Variants in TNPO3 observed in about 807,000 individuals in gnomAD.
TNPO3 encodes transportin-3.
Under a neutral mutation model 122.8 loss-of-function variants are expected in TNPO3, and 65 were observed. The observed-to-expected ratio is 0.53, with a 90% CI of 0.43 to 0.65. The LOEUF is 0.65. TNPO3 is among the 30% of genes least tolerant of loss of function. The pLI is 0.00. For synonymous variants in TNPO3, 372 were observed against 411.2 expected (o/e 0.90, Z 1.15); for missense variants, 850 against 1,136.7 (o/e 0.75, Z 3.63).
chr7:128,978,525 C>T (rs1471584299), intron 16 of TNPO3, among the ~76,000 whole-genome samples: 1 of 152,172 alleles, frequency 6.6e-6, no homozygotes, highest in Non-Finnish European at 1.5e-5. Context: ...TATACAGAAG[C>T]GATTTTAGGC....
intron 1 of TNPO3, among the ~76,000 whole-genome samples, chr7:129,051,890 C>T (rs1003190040): frequency 1.3e-5 from 2 of 152,208 alleles, no homozygotes; most frequent in African/African-American, 2.4e-5. Context: ...GCGATCCGCC[C>T]GCCTCAGCCT....
chr7:129,028,978 T>C (rs992288062), intron 1 of TNPO3: 15 of 444,160 alleles, frequency 3.4e-5, no homozygotes, highest in Admixed American at 5.1e-5. Flanking sequence ...ACCAAAAAAT[T>C]AATGAATTTT....
chr7:129,021,510 G>GA (rs888014263), intron 1 of TNPO3, among the ~76,000 whole-genome samples: 5 of 151,414 alleles, frequency 3.3e-5, no homozygotes, highest in East Asian at 1.9e-4. Context: ...AAACTGCTAT[G>GA]AAAAAAAACA....
At chr7:129,050,047 G>A (rs1240522924) in intron 1 of TNPO3, among the ~76,000 whole-genome samples, 1 of 152,090 alleles carries the variant, frequency 6.6e-6, no homozygotes, top group Non-Finnish European at 1.5e-5. Flanking sequence ...AATATAGCGA[G>A]ACCCCAACTT....
chr7:128,979,511 T>C (rs528722233), intron 15 of TNPO3, among the ~76,000 whole-genome samples: 5 of 152,228 alleles, frequency 3.3e-5, no homozygotes, highest in Non-Finnish European at 7.3e-5. Flanking sequence ...AATGGCATCA[T>C]TTGAGACCAT....
rs150196160 is a variant in TNPO3 at position 128,993,976 on chromosome 7, A to C, written c.1159-62T>G. 3.0e-5 allele frequency: 43 copies of C among 1,423,952 alleles called. 1 individual carries two copies. The African/African-American group carries it at 5.3e-4, about 18-fold the overall frequency. The allele number at this position is 1,423,952 out of a possible 1,614,324, so 88.2% of individuals were successfully genotyped here. ...CACTGCGGCTTTCAATGACCTCTAT[A>C]AAATCAAGAAGAAGAAAAAAACCAT... On this transcript the variant is annotated intron_variant, in intron 8 of 22. Coordinates refer to ENST00000265388, the MANE Select transcript of TNPO3 (RefSeq NM_012470.4).
intron 12 of TNPO3, 93 bp downstream of exon 12, chr7:128,986,636 C>G: frequency 8.4e-7 from 1 of 1,195,504 alleles, no homozygotes; most frequent in Non-Finnish European, 1.2e-6. Context: ...ACACTAAGTA[C>G]ATTGCAACTG....
At chr7:129,038,692 G>A (rs919773305) in intron 1 of TNPO3, among the ~76,000 whole-genome samples, 1 of 152,210 alleles carries the variant, frequency 6.6e-6, no homozygotes, top group African/African-American at 2.4e-5. Context: ...GAACATGGAT[G>A]GCGCTGGAGG....
At chr7:128,975,065 G>C in intron 17 of TNPO3, 103 bp from the exon 18 acceptor site, 1 of 834,422 alleles carries the variant, frequency 1.2e-6, no homozygotes, top group Non-Finnish European at 1.9e-6. Flanking sequence ...GAACAAAGAA[G>C]AAAAGCACAG....
At chr7:129,051,300 A>T (rs1808734167) in intron 1 of TNPO3, among the ~76,000 whole-genome samples, 1 of 152,184 alleles carries the variant, frequency 6.6e-6, no homozygotes, top group African/African-American at 2.4e-5. Context: ...CAAACTGGAA[A>T]ACAGTGGGTT....
At position 128,974,950 on chromosome 7, in the gene TNPO3, G is replaced by C. The variant is rs747586900; in HGVS notation, c.2191C>G (p.Pro731Ala). 1 of 1,613,956 alleles carries C rather than the reference G, an allele frequency of 6.2e-7. No individual in the cohort carries two copies. Among genetic ancestry groups the C allele is most frequent in the East Asian group, 2.2e-5 (1 of 44,882 alleles). The stretch of plus-strand genomic sequence containing the variant: ...TGCTGTTCTAGGAGCTGAAAGGTGG[G>C]GATGCACAGTGCCTAAAACAAAACA... ...LLDMLQALCI[P>A]TFQLLEQQNG... Residue 731 changes from proline (P) to alanine (A), a missense_variant, in exon 18 of 23, where the codon CCC becomes GCC. Pro to Ala is a conservative substitution (Grantham distance 27). Transcript: ENST00000265388.
At chr7:128,955,430 A>G (rs1371489366) in intron 22 of TNPO3, 45 bp from the exon 23 acceptor site, 3 of 430,414 alleles carry the variant, frequency 7.0e-6, no homozygotes, top group Non-Finnish European at 1.4e-5. Flanking sequence ...CAGAAAATAG[A>G]GCATTTAGTA....
rs566110160 is a variant in TNPO3, at chr7:128,970,201, T to C, written c.2545A>G (p.Thr849Ala). Residue 849 changes from threonine (T) to alanine (A), a missense_variant, in exon 20 of 23, where the codon ACC becomes GCC. Coordinates refer to ENST00000265388, the MANE Select transcript of TNPO3 (RefSeq NM_012470.4). ...HTCCFCLPPY[T>A]LPDVAEVLWE... ...AGCACTTCAGCCACATCTGGTAGGG[T>C]ATAGGGGGGGAGGCAAAAGCAGCAG... is the stretch of plus-strand genomic sequence containing the variant. The C allele has an allele frequency of 1.9e-5, 31 of 1,613,880 alleles. No individual in the cohort carries two copies. The East Asian group carries it at 6.7e-4, about 35-fold the overall frequency.
chr7:128,985,313 A>G (rs570011290), intron 12 of TNPO3, among the ~76,000 whole-genome samples: 6 of 152,354 alleles, frequency 3.9e-5, no homozygotes, highest in East Asian at 1.9e-4. Flanking sequence ...AAAAGTTTTC[A>G]GCCAGGTGTG....
intron 21 of TNPO3, among the ~76,000 whole-genome samples, chr7:128,959,731 G>C (rs977340458): frequency 3.3e-5 from 5 of 152,020 alleles, no homozygotes; most frequent in Non-Finnish European, 7.4e-5. Flanking sequence ...GGATCAAAAA[G>C]CTCCTTGAGG....
At chr7:129,055,717 G>A (rs1228892184), upstream of TNPO3, 5 of 291,914 alleles carry the variant, frequency 1.7e-5, no homozygotes, top group Non-Finnish European at 2.6e-5. Flanking sequence ...ACATTGAACT[G>A]TATTTTTGTG....
At chr7:129,016,267 G>C (rs192085327) in intron 3 of TNPO3, among the ~76,000 whole-genome samples, 1 of 152,028 alleles carries the variant, frequency 6.6e-6, no homozygotes. Flanking sequence ...AGTAGCACAT[G>C]CCTGTAATCT....
At chr7:128,983,356 G>A (rs1014078748) in intron 13 of TNPO3, among the ~76,000 whole-genome samples, 7 of 151,986 alleles carry the variant, frequency 4.6e-5, no homozygotes, top group African/African-American at 1.2e-4. Flanking sequence ...ACAAGTGTGC[G>A]TCACCACACC....
chr7:128,994,727 C>T (rs899108129), intron 8 of TNPO3, among the ~76,000 whole-genome samples: 5 of 152,082 alleles, frequency 3.3e-5, no homozygotes, highest in Admixed American at 6.5e-5. Context: ...GACATGATCT[C>T]GGCTCACTGC....
Sources: gnomAD v4.1 joint callset for allele counts (sites outside exome capture counted in the v4.1 genomes callset) on GRCh38, gnomAD v4.1.1 for gene constraint, MANE v1.5 for transcripts, NCBI Gene and HGNC (gene_info 2026-07-23, HGNC 2026-07-21) for gene names.